RALYL: variants seen among roughly 807,000 people sequenced by gnomAD.
RALYL encodes RNA-binding Raly-like protein.
A neutral mutation model predicts 35.1 loss-of-function variants in RALYL; 29 were observed. That is an observed-to-expected ratio of 0.83 (90% CI 0.61 to 1.13). The LOEUF (loss-of-function observed/expected upper bound fraction) is 1.13. Among genes scored for constraint, RALYL ranks in the 50% most tolerant of loss-of-function variants. The pLI is 0.00. For synonymous variants in RALYL, 120 were observed against 127.6 expected, an observed-to-expected ratio of 0.94 and a Z score of 0.40; for missense variants, 359 against 360.4, an observed-to-expected ratio of 1.00 and a Z score of 0.03.
At chr8:84,587,031 T>A (rs1305383125) in intron 2 of RALYL, among the ~76,000 whole-genome samples, 2 of 152,154 alleles carry the variant, frequency 1.3e-5, no homozygotes, top group African/African-American at 2.4e-5. Context: ...CAGCCCTGGA[T>A]TTCAGTGGCA....
intron 1 of RALYL, among the ~76,000 whole-genome samples, chr8:84,500,346 GA>G (rs2056522060): frequency 6.6e-6 from 1 of 152,030 alleles, no homozygotes; most frequent in African/African-American, 2.4e-5. Context: ...CAAATCTGAT[GA>G]AAAAACATTT....
intron 1 of RALYL, among the ~76,000 whole-genome samples, chr8:84,528,108 T>G (rs2059030660): frequency 6.6e-6 from 1 of 152,198 alleles, no homozygotes; most frequent in Admixed American, 6.5e-5. Context: ...TAAATGATTC[T>G]TAAAAATCAG....
In RALYL at chr8:84,899,202, A is replaced by G. The variant is rs1845266039; in HGVS notation, c.858+11426A>G. Among the ~76,000 whole-genome samples the G allele has an allele frequency of 2.0e-5, 3 of 152,176 alleles. No individual in the cohort carries two copies. In the South Asian group the frequency reaches 6.2e-4, roughly 32 times the overall value. The stretch of plus-strand genomic sequence containing the variant: ...TAAAGATCATCATTCTGTGTCACCC[A>G]TTCCATAAATCTGTCCCCCAACAAG... On this transcript the variant is annotated intron_variant, in intron 8 of 8. Transcript: ENST00000521268.
At chr8:84,479,862 A>C (rs2133865233) in intron 1 of RALYL, among the ~76,000 whole-genome samples, 1 of 152,308 alleles carries the variant, frequency 6.6e-6, no homozygotes, top group Non-Finnish European at 1.5e-5. Flanking sequence ...AGAATTTAGA[A>C]ACATTAATGA....
chr8:84,479,127 A>G (rs1418496449), intron 1 of RALYL, among the ~76,000 whole-genome samples: 3 of 131,080 alleles, frequency 2.3e-5, no homozygotes, highest in South Asian at 2.6e-4. Flanking sequence ...AAAAAAATCT[A>G]TACACAGGGT....
At chr8:84,597,369 G>A (rs967679813) in intron 2 of RALYL, among the ~76,000 whole-genome samples, 1 of 152,042 alleles carries the variant, frequency 6.6e-6, no homozygotes, top group African/African-American at 2.4e-5. Flanking sequence ...TTCCTCCCTT[G>A]TGCTCACCTC....
At chr8:84,457,800 A>G (rs536433117) in intron 1 of RALYL, among the ~76,000 whole-genome samples, 26 of 151,948 alleles carry the variant, frequency 1.7e-4, no homozygotes, top group African/African-American at 5.8e-4. Flanking sequence ...GTCAGACCAA[A>G]TTAGAATAAC....
intron 1 of RALYL, among the ~76,000 whole-genome samples, chr8:84,490,334 A>T (rs2055143571): frequency 6.6e-6 from 1 of 151,922 alleles, no homozygotes; most frequent in Non-Finnish European, 1.5e-5. Context: ...AAGCAAGCAA[A>T]TCCCTCAAGG....
intron 2 of RALYL, among the ~76,000 whole-genome samples, chr8:84,659,978 A>T (rs957357837): frequency 6.6e-6 from 1 of 152,180 alleles, no homozygotes; most frequent in Admixed American, 6.5e-5. Context: ...GTTTAAGTAT[A>T]TTATTCTGAT....
chr8:84,861,777 T>C (rs16913374), intron 5 of RALYL, among the ~76,000 whole-genome samples: 3,666 of 152,348 alleles, frequency 0.024, 150 homozygotes, highest in African/African-American at 0.083. Context: ...TTGTCTGTCA[T>C]AGCTGTTTTC....
chr8:84,825,321 C>G (rs1448058978), intron 4 of RALYL, among the ~76,000 whole-genome samples: 1 of 151,910 alleles, frequency 6.6e-6, no homozygotes, highest in Non-Finnish European at 1.5e-5. Flanking sequence ...GTCAGAATGG[C>G]TATTATTAAA....
chr8:84,372,886 GTTTTTTTT>G (rs76885544), intron 1 of RALYL, among the ~76,000 whole-genome samples: 34 of 39,074 alleles, frequency 8.7e-4, no homozygotes, highest in Admixed American at 6.1e-3. Context: ...GCCAGCATCT[GTTTTTTTT>G]TTTTTTTTTT....
At chr8:84,662,524 C>T (rs1235274603) in intron 2 of RALYL, among the ~76,000 whole-genome samples, 2 of 151,938 alleles carry the variant, frequency 1.3e-5, no homozygotes, top group African/African-American at 4.8e-5. Context: ...TGATGAGAGG[C>T]TTATGATAAT....
chr8:84,332,054 CTT>C (rs1489306308), intron 1 of RALYL, among the ~76,000 whole-genome samples: 2 of 152,110 alleles, frequency 1.3e-5, no homozygotes, highest in African/African-American at 4.8e-5. Flanking sequence ...CCCGAATCCT[CTT>C]TTTAATTTTT....
At chr8:84,728,449 C>G (rs895274313) in intron 2 of RALYL, among the ~76,000 whole-genome samples, 2 of 151,298 alleles carry the variant, frequency 1.3e-5, no homozygotes, top group African/African-American at 4.9e-5. Flanking sequence ...ATGGTAGTTT[C>G]TTTTGCTGTG....
chr8:84,294,628 C>T (rs926323028), intron 1 of RALYL, among the ~76,000 whole-genome samples: 15 of 151,936 alleles, frequency 9.9e-5, no homozygotes, highest in African/African-American at 3.4e-4. Context: ...AGGAAGGTCG[C>T]CAAAATGAGA....
At chr8:84,611,671 A>C (rs1818337796) in intron 2 of RALYL, among the ~76,000 whole-genome samples, 1 of 152,158 alleles carries the variant, frequency 6.6e-6, no homozygotes, top group Non-Finnish European at 1.5e-5. Context: ...ATGAATTCAT[A>C]GCCTGTTTGA....
At chr8:84,879,338 A>G (rs1841777821) in intron 7 of RALYL, among the ~76,000 whole-genome samples, 1 of 152,182 alleles carries the variant, frequency 6.6e-6, no homozygotes, top group East Asian at 1.9e-4. Context: ...GCAATTTTTA[A>G]TTCTAGAGAA....
intron 2 of RALYL, among the ~76,000 whole-genome samples, chr8:84,634,270 C>T (rs1824550982): frequency 6.6e-6 from 1 of 151,692 alleles, no homozygotes. Flanking sequence ...CTACTTTTGA[C>T]CAATATCTTT....
Sources: allele counts gnomAD v4.1 joint callset (sites outside exome capture counted in the v4.1 genomes callset), GRCh38; gene constraint gnomAD v4.1.1; transcripts MANE v1.5; gene names NCBI Gene and HGNC (gene_info 2026-07-23, HGNC 2026-07-21).